The following CCDC93 variants were observed in gnomAD, a reference collection of about 807,000 sequenced individuals.
CCDC93 encodes CCC complex scaffolding subunit CCDC93, also known as coiled-coil domain-containing protein 93.
A neutral mutation model predicts 108.2 loss-of-function variants in CCDC93; 61 were observed. The observed-to-expected ratio is 0.56, with a 90% CI of 0.46 to 0.70. The LOEUF (loss-of-function observed/expected upper bound fraction) is 0.70, where lower values mean the gene tolerates loss of function less well. Ranked by LOEUF, CCDC93 falls within the 30% of genes least tolerant of loss-of-function variation. The pLI is 0.00. For missense variants in CCDC93, 685 were observed against 764.2 expected (o/e 0.90, Z 1.22); for synonymous variants, 276 against 260.4 (o/e 1.06, Z -0.58).
chr2:117,974,773 G>A, intron 10 of CCDC93, 77 bp downstream of exon 10: 1 of 1,075,584 alleles, frequency 9.3e-7, no homozygotes, highest in Non-Finnish European at 1.4e-6. Context: ...GGAGAAGGTG[G>A]GCTCTCTGGG....
Position 117,917,894 on chromosome 2 carries a change from C to G in CCDC93, c.*2449G>C, listed in dbSNP as rs949743074. ...TGGGCAGCCTGCCCGCTAGCAACTC[C>G]CTGTGCTGATTGAGCAGGGAGCCTC... On this transcript the variant is annotated 3_prime_UTR_variant, in exon 24 of 24. Transcript: ENST00000376300. The G allele has an allele frequency of 2.0e-5, 3 of 152,256 alleles. No individual in the cohort carries two copies. Among genetic ancestry groups the G allele is most frequent in the African/African-American group, 7.2e-5 (3 of 41,466 alleles). The allele number at this position is 152,256 out of a possible 1,614,324, so 9.4% of individuals were successfully genotyped here.
intron 15 of CCDC93, among the ~76,000 whole-genome samples, chr2:117,947,782 C>G (rs1334491924): frequency 2.0e-5 from 3 of 151,368 alleles, no homozygotes; most frequent in African/African-American, 7.3e-5. Context: ...CAAGCTCTGC[C>G]TCCCAGGTTC....
intron 23 of CCDC93, among the ~76,000 whole-genome samples, chr2:117,925,056 C>T (rs537254210): frequency 3.2e-4 from 48 of 152,228 alleles, no homozygotes; most frequent in African/African-American, 1.1e-3. Context: ...AAATAAAATA[C>T]AGAAAAACAA....
At chr2:118,012,061 AGTT>A (rs1372515578) in intron 1 of CCDC93, among the ~76,000 whole-genome samples, 1 of 152,166 alleles carries the variant, frequency 6.6e-6, no homozygotes, top group Admixed American at 6.5e-5. Flanking sequence ...CGTCCACTAT[AGTT>A]GTTGTAAGCT....
intron 3 of CCDC93, among the ~76,000 whole-genome samples, chr2:118,005,732 A>G (rs1257761509): frequency 3.6e-5 from 5 of 139,512 alleles, no homozygotes; most frequent in African/African-American, 1.4e-4. Context: ...AGCATGGGTG[A>G]TAAGAGTGAG....
intron 18 of CCDC93, among the ~76,000 whole-genome samples, chr2:117,942,270 C>G (rs1678725185): frequency 6.6e-6 from 1 of 152,196 alleles, no homozygotes; most frequent in Non-Finnish European, 1.5e-5. Flanking sequence ...GCTACTGACC[C>G]TTCTCATCAG....
chr2:118,013,878 G>A lies in CCDC93; in HGVS notation c.42+76C>T, dbSNP rs985555661. On this transcript the variant is annotated intron_variant, in intron 1 of 23. Transcript: ENST00000376300. ...GGCGCCCCTAACGCACCCAGGGCCC[G>A]CTCAGCCCGCCGCCCCGCGGCTCGG... The A allele has an allele frequency of 1.1e-5, 15 of 1,372,966 alleles. No homozygotes were observed. The African/African-American group carries it at 2.1e-4, about 19-fold the overall frequency. 85.0% of individuals were successfully genotyped at this position (1,372,966 alleles called of 1,614,324 possible).
intron 7 of CCDC93, among the ~76,000 whole-genome samples, chr2:117,985,131 AAAAAC>A (rs1282578295): frequency 4.7e-5 from 6 of 128,436 alleles, no homozygotes; most frequent in Admixed American, 2.2e-4. Context: ...CTTAGGAAGA[AAAAAC>A]AAAACAAAAC....
At chr2:117,974,938 C>G in intron 9 of CCDC93, 38 bp from the exon 10 acceptor site, 1 of 1,535,486 alleles carries the variant, frequency 6.5e-7, no homozygotes. Context: ...GTGAGTGGTT[C>G]TGAACATGTA....
At chr2:117,957,119 A>G (rs549293712) in intron 12 of CCDC93, among the ~76,000 whole-genome samples, 3 of 152,158 alleles carry the variant, frequency 2.0e-5, no homozygotes, top group African/African-American at 7.2e-5. Context: ...TGAACTCCCG[A>G]CCTCAAGTGA....
At chr2:117,973,421 A>C (rs1464264361) in intron 11 of CCDC93, among the ~76,000 whole-genome samples, 1 of 151,600 alleles carries the variant, frequency 6.6e-6, no homozygotes, top group Non-Finnish European at 1.5e-5. Flanking sequence ...ATGGAAAAAA[A>C]AAAAAAAAGC....
At chr2:117,952,226 C>A (rs1679079688) in intron 13 of CCDC93, 147 bp downstream of exon 13, 1 of 682,034 alleles carries the variant, frequency 1.5e-6, no homozygotes, top group East Asian at 2.7e-5. Context: ...ATGTAACTGT[C>A]CTATGTCCTC....
At chr2:118,001,755 A>G (rs1324307328) in intron 3 of CCDC93, among the ~76,000 whole-genome samples, 5 of 152,206 alleles carry the variant, frequency 3.3e-5, no homozygotes, top group Non-Finnish European at 5.9e-5. Flanking sequence ...GAGCTGGGGT[A>G]GGACAGTTTA....
intron 11 of CCDC93, among the ~76,000 whole-genome samples, chr2:117,959,948 G>A (rs1320519166): frequency 2.0e-5 from 3 of 152,108 alleles, no homozygotes; most frequent in African/African-American, 7.2e-5. Flanking sequence ...AAAGGGTGGT[G>A]GAAGAGGAAA....
In CCDC93 at chr2:117,986,227, C is replaced by T. The variant is rs112001208; in HGVS notation, c.520-158G>A. Among the ~76,000 whole-genome samples the T allele has an allele frequency of 6.3e-3, 919 of 146,470 alleles. 8 individuals carry two copies. The highest frequency in any genetic ancestry group is 9.9e-3 in the South Asian group (46 of 4,642). ...TCGCTCAGGCTGGAATGCAGTGGCGCGATCTCGGCTCACTGCCAACAGCTC... is the reference window on the plus strand; with the variant it reads ...TCGCTCAGGCTGGAATGCAGTGGCGTGATCTCGGCTCACTGCCAACAGCTC... On this transcript the variant is annotated intron_variant, in intron 6 of 23. Transcript: ENST00000376300.
intron 23 of CCDC93, among the ~76,000 whole-genome samples, chr2:117,925,688 C>T (rs1678060893): frequency 6.6e-6 from 1 of 152,088 alleles, no homozygotes; most frequent in Admixed American, 6.5e-5. Flanking sequence ...CTTTAACACC[C>T]CACTGTCAAC....
At chr2:117,932,351 G>A (rs944052477) in intron 22 of CCDC93, among the ~76,000 whole-genome samples, 1 of 152,152 alleles carries the variant, frequency 6.6e-6, no homozygotes, top group Non-Finnish European at 1.5e-5. Flanking sequence ...CAAGCTATAG[G>A]TAAAATTGAC....
rs1233965917 is a variant in CCDC93, at chr2:117,918,116, C to G, written c.*2227G>C. 2 of 152,160 alleles carry G rather than the reference C, an allele frequency of 1.3e-5. No homozygotes were observed. The highest frequency in any genetic ancestry group is 2.9e-5 in the Non-Finnish European group (2 of 68,054). The allele number at this position is 152,160 out of a possible 1,614,324, so 9.4% of individuals were successfully genotyped here. ...TGCTCCAGGTGGCTTCTGAAATGAT[C>G]AGGGGCCTTGGGGCATCTCCTTACC... is the stretch of plus-strand genomic sequence containing the variant. On this transcript the variant is annotated 3_prime_UTR_variant, in exon 24 of 24. Transcript: ENST00000376300.
chr2:117,935,859 T>C (rs1678504676), intron 21 of CCDC93: 1 of 292,536 alleles, frequency 3.4e-6, no homozygotes, highest in Non-Finnish European at 6.3e-6. Flanking sequence ...TTTCTTGCAG[T>C]AAAATGTGAC....
Sources: allele counts gnomAD v4.1 joint callset (sites outside exome capture counted in the v4.1 genomes callset), GRCh38; gene constraint gnomAD v4.1.1; transcripts MANE v1.5; gene names NCBI Gene and HGNC (gene_info 2026-07-23, HGNC 2026-07-21).